Variants in GRID1 observed in about 807,000 individuals in gnomAD.
The protein encoded by GRID1 is glutamate ionotropic receptor delta type subunit 1.
In GRID1, 28 loss-of-function variants were observed where a neutral mutation model predicts 98.0. The observed-to-expected ratio is 0.29, with a 90% CI of 0.21 to 0.39. GRID1 has a LOEUF of 0.39. GRID1 is among the 10% of genes least tolerant of loss of function. GRID1 has a pLI of 1.00. For missense variants in GRID1, 1,111 were observed against 1,340.5 expected (o/e 0.83, Z 2.67); for synonymous variants, 553 against 538.5 (o/e 1.03, Z -0.37).
intron 4 of GRID1, among the ~76,000 whole-genome samples, chr10:85,941,772 T>C (rs1385206995): frequency 6.6e-6 from 1 of 152,220 alleles, no homozygotes; most frequent in African/African-American, 2.4e-5. Flanking sequence ...TTTAGTTTTT[T>C]GTGATTGAAT....
chr10:85,901,720 T>C (rs1841391680), intron 5 of GRID1, among the ~76,000 whole-genome samples: 1 of 152,158 alleles, frequency 6.6e-6, no homozygotes, highest in Non-Finnish European at 1.5e-5. Context: ...ATCCATGGTG[T>C]GTTCCCAAAG....
chr10:86,268,595 C>T (rs184317252), intron 2 of GRID1, among the ~76,000 whole-genome samples: 143 of 152,342 alleles, frequency 9.4e-4, no homozygotes, highest in African/African-American at 3.4e-3. Flanking sequence ...CCACCAACAC[C>T]ATTTGCTGGC....
chr10:85,634,291 TCA>T lies in GRID1; in HGVS notation c.2193+12909_2193+12910del, dbSNP rs1554860994. ...CTCTCTCTCTCTCTCTCTCTCTCTC[TCA>T]CACACACACACACACACACACAGAC... On this transcript the variant is annotated intron_variant, in intron 13 of 15. Transcript: ENST00000327946. Among the ~76,000 whole-genome samples the T allele has an allele frequency of 9.3e-3, 955 of 102,786 alleles. 13 individuals are homozygous for T. Among genetic ancestry groups the T allele is most frequent in the Middle Eastern group, 0.015 (3 of 196 alleles). The allele number at this position is 102,786 out of a possible 152,430, so 67.4% of individuals were successfully genotyped here. A position where few individuals can be genotyped will look rare whatever the true frequency, so the allele number is the denominator to read the frequency against.
intron 12 of GRID1, among the ~76,000 whole-genome samples, chr10:85,721,378 G>A (rs1841700809): frequency 6.6e-6 from 1 of 152,156 alleles, no homozygotes; most frequent in African/African-American, 2.4e-5. Context: ...TCATGTTCAT[G>A]CAAAAACCTG....
chr10:85,630,642 T>C, intron 13 of GRID1, among the ~76,000 whole-genome samples: 1 of 152,208 alleles, frequency 6.6e-6, no homozygotes, highest in African/African-American at 2.4e-5. Flanking sequence ...TCTCCAGATC[T>C]GGTATTCTCA....
chr10:86,161,938 T>C (rs532171724), intron 3 of GRID1, among the ~76,000 whole-genome samples: 4 of 152,304 alleles, frequency 2.6e-5, no homozygotes, highest in African/African-American at 9.6e-5. Flanking sequence ...ACAAGTGTGT[T>C]GTATTTTGTA....
chr10:86,217,342 G>T (rs1286354692), intron 2 of GRID1, among the ~76,000 whole-genome samples: 2 of 152,140 alleles, frequency 1.3e-5, no homozygotes, highest in Non-Finnish European at 2.9e-5. Context: ...CACCTCCTAG[G>T]GCTGACATGA....
intron 8 of GRID1, among the ~76,000 whole-genome samples, chr10:85,741,675 G>T (rs1841944415): frequency 6.6e-6 from 1 of 151,878 alleles, no homozygotes; most frequent in African/African-American, 2.4e-5. Context: ...TTTTCTTTAA[G>T]AAAATTGCTT....
At chr10:86,361,918 A>C (rs1366366251) in intron 2 of GRID1, among the ~76,000 whole-genome samples, 4 of 152,170 alleles carry the variant, frequency 2.6e-5, no homozygotes, top group Non-Finnish European at 5.9e-5. Context: ...CTTGTGTGTT[A>C]CCTGCATGAG....
At chr10:85,843,001 G>T (rs1842974173) in intron 8 of GRID1, among the ~76,000 whole-genome samples, 1 of 151,960 alleles carries the variant, frequency 6.6e-6, no homozygotes, top group Non-Finnish European at 1.5e-5. Context: ...CATGAACTCA[G>T]AATAGCAATA....
At position 86,177,872 on chromosome 10, in the gene GRID1, A is replaced by G. The variant is rs539835426; in HGVS notation, c.520+28492T>C. Among the ~76,000 whole-genome samples, 170 of 152,298 alleles carry G rather than the reference A, an allele frequency of 1.1e-3. 1 individual carries two copies. The highest frequency in any genetic ancestry group is 3.9e-3 in the African/African-American group (160 of 41,550). ...CTTCAGTGTATGTGTGTGTGTGTGC[A>G]TGAAAGAGACAGAAACAAAGGCTCC... On this transcript the variant is annotated intron_variant, in intron 3 of 15. Transcript: ENST00000327946.
intron 4 of GRID1, among the ~76,000 whole-genome samples, chr10:86,009,984 A>G (rs1842906395): frequency 6.6e-6 from 1 of 152,222 alleles, no homozygotes; most frequent in Admixed American, 6.5e-5. Flanking sequence ...ACTTTAAACC[A>G]TCAGGTACCT....
intron 12 of GRID1, among the ~76,000 whole-genome samples, chr10:85,695,410 A>G (rs1169029472): frequency 6.6e-6 from 1 of 152,178 alleles, no homozygotes; most frequent in Middle Eastern, 3.2e-3. Flanking sequence ...AATTCTCACT[A>G]CTATATTGTG....
Position 85,679,963 on chromosome 10 carries a change from G to A in GRID1, c.1998-32566C>T, listed in dbSNP as rs534439158. On this transcript the variant is annotated intron_variant, in intron 12 of 15. Coordinates refer to ENST00000327946, the MANE Select transcript of GRID1 (RefSeq NM_017551.3). ...GTGGCCAGTGAGTGCAGGCAGTCAC[G>A]GAAAGAGTCCTGAGGCCGTGGGCAG... Among the ~76,000 whole-genome samples, 9 of 152,258 alleles carry A rather than the reference G, an allele frequency of 5.9e-5. No homozygotes were observed. In the South Asian group the frequency reaches 1.9e-3, roughly 32 times the overall value.
chr10:85,779,808 A>C (rs1324550672), intron 8 of GRID1, among the ~76,000 whole-genome samples: 1 of 152,196 alleles, frequency 6.6e-6, no homozygotes, highest in Non-Finnish European at 1.5e-5. Flanking sequence ...GTGGAGATGA[A>C]GACGGAAAGG....
chr10:85,932,866 C>CA (rs1217478517), intron 4 of GRID1, among the ~76,000 whole-genome samples: 1 of 152,058 alleles, frequency 6.6e-6, no homozygotes, highest in Admixed American at 6.6e-5. Context: ...AAATCGGCAG[C>CA]AAAACAAAAT....
intron 10 of GRID1, among the ~76,000 whole-genome samples, chr10:85,727,430 C>A (rs1841772786): frequency 6.6e-6 from 1 of 152,076 alleles, no homozygotes; most frequent in African/African-American, 2.4e-5. Context: ...GGATGCCACA[C>A]CATCAACACA....
chr10:85,801,942 T>C (rs1321578829), intron 8 of GRID1, among the ~76,000 whole-genome samples: 2 of 151,954 alleles, frequency 1.3e-5, no homozygotes, highest in Non-Finnish European at 2.9e-5. Context: ...TAAACAAATA[T>C]AAAATCTCTC....
At chr10:85,835,383 C>A (rs1842903607) in intron 8 of GRID1, among the ~76,000 whole-genome samples, 1 of 152,174 alleles carries the variant, frequency 6.6e-6, no homozygotes, top group Admixed American at 6.5e-5. Context: ...AAGGGTGGGG[C>A]CAGGTGAAGA....
Sources: gnomAD v4.1 joint callset for allele counts (sites outside exome capture counted in the v4.1 genomes callset) on GRCh38, gnomAD v4.1.1 for gene constraint, MANE v1.5 for transcripts, NCBI Gene and HGNC (gene_info 2026-07-23, HGNC 2026-07-21) for gene names.